The following AP3B1 variants were observed in gnomAD, a reference collection of about 807,000 sequenced individuals.
AP3B1 encodes adaptor related protein complex 3 subunit beta 1.
A neutral mutation model predicts 132.5 loss-of-function variants in AP3B1; 61 were observed. That is an observed-to-expected ratio of 0.46 (90% CI 0.37 to 0.57). AP3B1 has a LOEUF of 0.57. Ranked by LOEUF, AP3B1 falls within the 20% of genes least tolerant of loss-of-function variation. The pLI is 0.00. For missense variants in AP3B1, 1,120 were observed against 1,289.4 expected (o/e 0.87, Z 2.01); for synonymous variants, 388 against 438.3 (o/e 0.89, Z 1.43).
intron 1 of AP3B1, among the ~76,000 whole-genome samples, chr5:78,283,846 T>C (rs1239564299): frequency 1.1e-4 from 17 of 152,156 alleles, no homozygotes; most frequent in Admixed American, 1.1e-3. Context: ...AATAAATCAT[T>C]TTATGTTGCT....
At chr5:78,030,100 C>CTGTT (rs1747510645) in intron 24 of AP3B1, among the ~76,000 whole-genome samples, 1 of 151,972 alleles carries the variant, frequency 6.6e-6, no homozygotes, top group African/African-American at 2.4e-5. Flanking sequence ...TTGCTCACTA[C>CTGTT]TGTTTTATTA....
At chr5:78,033,290 G>C (rs528185545) in intron 24 of AP3B1, among the ~76,000 whole-genome samples, 1 of 152,126 alleles carries the variant, frequency 6.6e-6, no homozygotes, top group East Asian at 1.9e-4. Flanking sequence ...GTTGGGAAAA[G>C]TAATCAGTTT....
chr5:78,140,656 G>T (rs1753106998), intron 15 of AP3B1, among the ~76,000 whole-genome samples: 1 of 152,136 alleles, frequency 6.6e-6, no homozygotes, highest in Non-Finnish European at 1.5e-5. Context: ...CATCACATGG[G>T]TGATCAGGTT....
rs1294813663 is a variant in AP3B1 at position 78,002,489 on chromosome 5, C to T, written c.*413G>A. The T allele has an allele frequency of 4.5e-6, 2 of 439,784 alleles. No homozygotes were observed. The highest frequency in any genetic ancestry group is 8.0e-6 in the Non-Finnish European group (2 of 250,984). The allele number at this position is 439,784 out of a possible 1,614,324, so 27.2% of individuals were successfully genotyped here. ...AAGTATGTGATCTCATTTTCACATA[C>T]CAAGCTGAGAGGCCATTTAGACTAT... On this transcript the variant is annotated 3_prime_UTR_variant, in exon 27 of 27. Coordinates refer to ENST00000255194, the MANE Select transcript of AP3B1 (RefSeq NM_003664.5).
intron 22 of AP3B1, among the ~76,000 whole-genome samples, chr5:78,046,089 T>G (rs1403099326): frequency 6.6e-6 from 1 of 152,234 alleles, no homozygotes; most frequent in African/African-American, 2.4e-5. Flanking sequence ...AAATGTTAGA[T>G]CCTTGCCATT....
chr5:78,259,246 CAA>C (rs58069551), intron 2 of AP3B1, among the ~76,000 whole-genome samples: 25 of 114,612 alleles, frequency 2.2e-4, no homozygotes, highest in East Asian at 2.6e-4. Context: ...GACTCCATCT[CAA>C]AAAAAAAAAA....
intron 21 of AP3B1, among the ~76,000 whole-genome samples, chr5:78,092,312 T>C (rs779037753): frequency 3.3e-5 from 5 of 152,202 alleles, no homozygotes; most frequent in Non-Finnish European, 7.3e-5. Context: ...GGTTTTAATA[T>C]AATTTCAGAA....
chr5:78,086,688 A>C (rs1205107627), intron 22 of AP3B1, among the ~76,000 whole-genome samples: 1 of 152,206 alleles, frequency 6.6e-6, no homozygotes, highest in East Asian at 1.9e-4. Flanking sequence ...GCAGATCCTG[A>C]CGATACAGAC....
chr5:78,027,441 T>A (rs184985640), intron 24 of AP3B1, among the ~76,000 whole-genome samples: 84 of 152,198 alleles, frequency 5.5e-4, no homozygotes, highest in African/African-American at 1.9e-3. Flanking sequence ...TTACACAGAA[T>A]AAAAATATTC....
At chr5:78,259,170 C>CCTTCT (rs1177665771) in intron 2 of AP3B1, among the ~76,000 whole-genome samples, 1 of 151,766 alleles carries the variant, frequency 6.6e-6, no homozygotes, top group Non-Finnish European at 1.5e-5. Flanking sequence ...ATGGTGTGAA[C>CCTTCT]CCAGGAGGTG....
At chr5:78,211,759 CTTA>C (rs1745747753) in intron 7 of AP3B1, among the ~76,000 whole-genome samples, 1 of 152,128 alleles carries the variant, frequency 6.6e-6, no homozygotes, top group Non-Finnish European at 1.5e-5. Flanking sequence ...ACACAGAAAA[CTTA>C]TTAAGGTAAC....
chr5:78,082,821 CTT>C (rs747096103), intron 22 of AP3B1, among the ~76,000 whole-genome samples: 3 of 144,668 alleles, frequency 2.1e-5, no homozygotes, highest in African/African-American at 2.5e-5. Context: ...CTTGGGAACC[CTT>C]TTTTTTTTTT....
At position 78,177,301 on chromosome 5, in the gene AP3B1, A is replaced by C. The variant is rs755449414; in HGVS notation, c.1040+38T>G. 1.2e-5 allele frequency: 16 copies of C among 1,341,416 alleles called. No individual in the cohort carries two copies. In the Admixed American group the frequency reaches 2.8e-4, roughly 23 times the overall value. The allele number at this position is 1,341,416 out of a possible 1,614,324, so 83.1% of individuals were successfully genotyped here. A position where few individuals can be genotyped will look rare whatever the true frequency, so the allele number is the denominator to read the frequency against. On this transcript the variant is annotated intron_variant, in intron 9 of 26. Transcript: ENST00000255194. ...TTTGTTCAAACATTACTTTTGAAGGAATACAAAAGAAAAAATATATATAAA... is the reference window on the plus strand; with the variant it reads ...TTTGTTCAAACATTACTTTTGAAGGCATACAAAAGAAAAAATATATATAAA...
intron 1 of AP3B1, among the ~76,000 whole-genome samples, chr5:78,280,289 T>A (rs1488513913): frequency 6.6e-6 from 1 of 152,138 alleles, no homozygotes; most frequent in Admixed American, 6.5e-5. Flanking sequence ...GTCTAAAACA[T>A]CTGTGATACA....
intron 21 of AP3B1, among the ~76,000 whole-genome samples, chr5:78,092,282 CT>C (rs968703805): frequency 1.3e-5 from 2 of 152,154 alleles, no homozygotes; most frequent in Non-Finnish European, 2.9e-5. Flanking sequence ...GCAAGTTCTG[CT>C]GTTTTTTAAA....
chr5:78,001,354 A>G (rs1048566548), downstream of AP3B1: 3 of 152,356 alleles, frequency 2.0e-5, no homozygotes, highest in African/African-American at 7.2e-5. Flanking sequence ...GCGATTACAA[A>G]GGGGCTTTTG....
At chr5:78,276,202 G>A (rs1748766661) in intron 1 of AP3B1, among the ~76,000 whole-genome samples, 1 of 151,742 alleles carries the variant, frequency 6.6e-6, no homozygotes, top group South Asian at 2.1e-4. Flanking sequence ...AGTAGCTGGG[G>A]CTACAGGCAT....
At chr5:78,276,082 T>C (rs554462575) in intron 1 of AP3B1, among the ~76,000 whole-genome samples, 23 of 152,146 alleles carry the variant, frequency 1.5e-4, no homozygotes, top group African/African-American at 5.5e-4. Context: ...ATTTTTTTTT[T>C]TGAGATAGGG....
intron 14 of AP3B1, among the ~76,000 whole-genome samples, chr5:78,146,968 T>C (rs1327771584): frequency 6.6e-6 from 1 of 152,056 alleles, no homozygotes; most frequent in East Asian, 1.9e-4. Context: ...ATTCACTGGA[T>C]ATACTCCTAA....
Sources: allele counts gnomAD v4.1 joint callset (sites outside exome capture counted in the v4.1 genomes callset), GRCh38; gene constraint gnomAD v4.1.1; transcripts MANE v1.5; gene names NCBI Gene and HGNC (gene_info 2026-07-23, HGNC 2026-07-21).